EXOC4: variants seen among roughly 807,000 people sequenced by gnomAD.
The protein encoded by EXOC4 is exocyst complex component 4.
A neutral mutation model predicts 107.2 loss-of-function variants in EXOC4; 71 were observed. The observed-to-expected ratio is 0.66, with a 90% confidence interval of 0.55 to 0.81. The LOEUF is 0.81. Ranked by LOEUF, EXOC4 falls within the 30% of genes least tolerant of loss-of-function variation. The pLI, the probability that EXOC4 is intolerant of heterozygous loss-of-function variation, is 0.00. For synonymous variants in EXOC4, 456 were observed against 441.2 expected, an observed-to-expected ratio of 1.03 and a Z score of -0.42; for missense variants, 1,108 against 1,189.6, an observed-to-expected ratio of 0.93 and a Z score of 1.01.
At chr7:133,720,858 G>T (rs1213719392) in intron 10 of EXOC4, among the ~76,000 whole-genome samples, 1 of 152,148 alleles carries the variant, frequency 6.6e-6, no homozygotes. Context: ...CACAAAAACA[G>T]CTAATAGTTA....
At chr7:133,304,289 G>C (rs961487573) in intron 3 of EXOC4, among the ~76,000 whole-genome samples, 2 of 152,192 alleles carry the variant, frequency 1.3e-5, no homozygotes, top group South Asian at 2.1e-4. Flanking sequence ...AAATGAATTT[G>C]TTGTTGTTTT....
chr7:134,019,434 T>TGAC (rs1794980847), intron 17 of EXOC4, among the ~76,000 whole-genome samples: 2 of 151,620 alleles, frequency 1.3e-5, no homozygotes, highest in African/African-American at 4.8e-5. Flanking sequence ...ATGATGATGA[T>TGAC]GATGATGATG....
intron 10 of EXOC4, among the ~76,000 whole-genome samples, chr7:133,802,851 A>C (rs1227863028): frequency 1.1e-3 from 1 of 940 alleles, no homozygotes; most frequent in African/African-American, 1.7e-3. Flanking sequence ...TGTCTCCACA[A>C]AAAAAAAAAA....
chr7:133,608,546 CTTTT>C (rs1161155238), intron 9 of EXOC4, among the ~76,000 whole-genome samples: 2 of 85,024 alleles, frequency 2.4e-5, no homozygotes, highest in East Asian at 7.5e-4. Flanking sequence ...TGCTGTATTT[CTTTT>C]TTTTTTTTTT....
chr7:133,393,256 T>C (rs1181133954), intron 7 of EXOC4, among the ~76,000 whole-genome samples: 1 of 152,156 alleles, frequency 6.6e-6, no homozygotes, highest in Non-Finnish European at 1.5e-5. Context: ...TCCACATCTT[T>C]CCTTTTTAAT....
chr7:133,722,218 G>A (rs1478914668), intron 10 of EXOC4, among the ~76,000 whole-genome samples: 3 of 152,138 alleles, frequency 2.0e-5, no homozygotes, highest in African/African-American at 7.2e-5. Context: ...TTCTTTCATT[G>A]CAATGAAATG....
intron 10 of EXOC4, among the ~76,000 whole-genome samples, chr7:133,687,627 T>A (rs1436706932): frequency 6.6e-6 from 1 of 152,146 alleles, no homozygotes; most frequent in African/African-American, 2.4e-5. Flanking sequence ...AGTTCCTGCC[T>A]CTTTGGCTGT....
chr7:133,945,315 C>T (rs1353918928), intron 14 of EXOC4, among the ~76,000 whole-genome samples: 2 of 152,190 alleles, frequency 1.3e-5, no homozygotes, highest in African/African-American at 4.8e-5. Flanking sequence ...TTTAGAGCCC[C>T]TAAAAATTTC....
At chr7:133,297,800 T>C (rs1015304127) in intron 3 of EXOC4, among the ~76,000 whole-genome samples, 2 of 152,182 alleles carry the variant, frequency 1.3e-5, no homozygotes, top group African/African-American at 4.8e-5. Flanking sequence ...GGTGCTACCA[T>C]CATTAATGCA....
intron 2 of EXOC4, among the ~76,000 whole-genome samples, chr7:133,280,488 A>G (rs1006476871): frequency 6.6e-6 from 1 of 152,164 alleles, no homozygotes; most frequent in East Asian, 1.9e-4. Flanking sequence ...TAAAGTTACA[A>G]AGTAGTCTAA....
chr7:134,068,836 C>T (rs1041002656), downstream of EXOC4, among the ~76,000 whole-genome samples: 2 of 152,184 alleles, frequency 1.3e-5, no homozygotes, highest in African/African-American at 4.8e-5. Flanking sequence ...AACCCTAATG[C>T]TACTTACTGT....
At chr7:133,840,611 T>C (rs931492545) in intron 11 of EXOC4, among the ~76,000 whole-genome samples, 2 of 151,994 alleles carry the variant, frequency 1.3e-5, no homozygotes, top group African/African-American at 4.8e-5. Flanking sequence ...GCCTCTTGAG[T>C]AGCTGGGACT....
intron 7 of EXOC4, among the ~76,000 whole-genome samples, chr7:133,408,149 G>A (rs1205388009): frequency 6.6e-6 from 1 of 151,700 alleles, no homozygotes; most frequent in Non-Finnish European, 1.5e-5. Context: ...GGTGGTGCTG[G>A]TAGTGGAGGA....
At chr7:133,965,527 A>T (rs1801044944) in intron 14 of EXOC4, among the ~76,000 whole-genome samples, 1 of 152,212 alleles carries the variant, frequency 6.6e-6, no homozygotes, top group South Asian at 2.1e-4. Flanking sequence ...GAAGAGGTCC[A>T]GTTTCAGTTT....
At chr7:133,284,769 T>G (rs1195415928) in intron 2 of EXOC4, among the ~76,000 whole-genome samples, 2 of 152,046 alleles carry the variant, frequency 1.3e-5, no homozygotes, top group African/African-American at 4.8e-5. Flanking sequence ...TCTCCTGACC[T>G]CGTGATCTGC....
At position 133,275,003 on chromosome 7, in the gene EXOC4, T is replaced by C; in HGVS notation, c.108T>C (p.Asp36=). Residue 36 remains aspartate, a synonymous_variant, in exon 2 of 18, where the codon GAT becomes GAC. Transcript: ENST00000253861. ...SVIRTLSTSD[D]VEDRENEKGR... is the part of the protein sequence containing the mutation. ...CCAGGACTCTGTCTACTAGTGACGA[T>C]GTCGAAGACAGGGAAAATGAAAAGG... is the stretch of plus-strand genomic sequence containing the variant. 2.5e-6 allele frequency: 4 copies of C among 1,611,216 alleles called. No individual in the cohort carries two copies. The highest frequency in any genetic ancestry group is 1.1e-5 in the South Asian group (1 of 90,620).
intron 11 of EXOC4, among the ~76,000 whole-genome samples, chr7:133,880,722 A>G (rs925728610): frequency 2.6e-4 from 39 of 152,198 alleles, no homozygotes; most frequent in Non-Finnish European, 5.3e-4. Context: ...ACAAACCCCC[A>G]AATAAGCCTC....
At chr7:133,627,321 A>G (rs1230895334) in intron 9 of EXOC4, among the ~76,000 whole-genome samples, 3 of 152,208 alleles carry the variant, frequency 2.0e-5, no homozygotes, top group Admixed American at 6.5e-5. Flanking sequence ...GCAACTATAC[A>G]TGAAGGTTTT....
In EXOC4 at chr7:133,513,651, G is replaced by A. The variant is rs1584969744; in HGVS notation, c.1417+33513G>A. On this transcript the variant is annotated intron_variant, in intron 9 of 17. Transcript: ENST00000253861. Reference sequence around the variant, plus strand: ...CCTTATTGTCAGGCATTTTCTTCCTGCTCATAGCTTACTGTCTTCTAGTAG... The same window carrying A: ...CCTTATTGTCAGGCATTTTCTTCCTACTCATAGCTTACTGTCTTCTAGTAG... 2.0e-5 allele frequency among the ~76,000 whole-genome samples: 3 copies of A among 152,150 alleles called. 1 individual carries two copies. Among genetic ancestry groups the A allele is most frequent in the Admixed American group, 2.0e-4 (3 of 15,282 alleles).
Sources: allele counts gnomAD v4.1 joint callset (sites outside exome capture counted in the v4.1 genomes callset), GRCh38; gene constraint gnomAD v4.1.1; transcripts MANE v1.5; gene names NCBI Gene and HGNC (gene_info 2026-07-23, HGNC 2026-07-21).